The following TENM3 variants were observed in gnomAD, a reference collection of about 807,000 sequenced individuals.
TENM3 encodes the protein teneurin transmembrane protein 3, also known as teneurin-3.
Under a neutral mutation model 255.1 loss-of-function variants are expected in TENM3, and 63 were observed. That is an observed-to-expected ratio of 0.25 (90% CI 0.20 to 0.30). TENM3 has a LOEUF of 0.30. Among genes scored for constraint, TENM3 ranks in the 10% least tolerant of loss-of-function variants. The pLI is 1.00. For synonymous variants in TENM3, 1,306 were observed against 1,322.3 expected (o/e 0.99, Z 0.27); for missense variants, 2,929 against 3,461.1 (o/e 0.85, Z 3.86).
the TENM3 span, among the ~76,000 whole-genome samples, chr4:182,062,063 G>A: frequency 6.6e-6 from 1 of 152,054 alleles, no homozygotes; most frequent in Non-Finnish European, 1.5e-5. Context: ...ATGTTAGATT[G>A]AGCTTAAGTG....
chr4:182,214,024 G>C (rs957951350), intron 1 of TENM3, among the ~76,000 whole-genome samples: 3 of 152,208 alleles, frequency 2.0e-5, no homozygotes, highest in East Asian at 1.9e-4. Flanking sequence ...GGATGGTCTC[G>C]ATCTCTTGAC....
rs1554068639 is a variant in TENM3, at chr4:182,449,209, T to TGGCGGCGGC, written c.511+102293_511+102301dup. The TGGCGGCGGC allele has an allele frequency of 6.7e-3, 350 of 52,184 alleles. 7 individuals carry two copies. In the East Asian group the frequency reaches 0.11, roughly 17 times the overall value. The allele number at this position is 52,184 out of a possible 1,614,324, so 3.2% of individuals were successfully genotyped here. On this transcript the variant is annotated intron_variant, in intron 3 of 27. Coordinates refer to ENST00000511685, the MANE Select transcript of TENM3 (RefSeq NM_001080477.4). ...ACCGCGGCGGTGGCGGTGGCGGTGGTGGCGGCGGCGGCGGCGGCGGCTCCG... is the reference window on the plus strand; with the variant it reads ...ACCGCGGCGGTGGCGGTGGCGGTGGTGGCGGCGGCGGCGGCGGCGGCGGCGGCGGCTCCG...
intron 1 of TENM3, among the ~76,000 whole-genome samples, chr4:182,269,986 T>C (rs948573244): frequency 5.9e-5 from 9 of 152,122 alleles, no homozygotes; most frequent in African/African-American, 1.4e-4. Context: ...ATAAGGAGCA[T>C]TGGGGGCTTA....
chr4:181,790,584 G>GA, the TENM3 span, among the ~76,000 whole-genome samples: 10 of 151,780 alleles, frequency 6.6e-5, no homozygotes, highest in Admixed American at 2.0e-4. Flanking sequence ...CTTATGAGTG[G>GA]AAAAAAACAA....
intron 2 of TENM3, among the ~76,000 whole-genome samples, chr4:182,338,673 G>C (rs541999572): frequency 6.6e-6 from 1 of 152,162 alleles, no homozygotes; most frequent in East Asian, 1.9e-4. Flanking sequence ...AATAGTGTCA[G>C]TAACTCCTTT....
chr4:182,025,019 C>CTT, the TENM3 span, among the ~76,000 whole-genome samples: 13 of 92,202 alleles, frequency 1.4e-4, no homozygotes, highest in African/African-American at 4.7e-4. Flanking sequence ...GACAGGATTT[C>CTT]ATTTTTTTTT....
chr4:181,517,706 G>A, the TENM3 span, among the ~76,000 whole-genome samples: 1 of 152,084 alleles, frequency 6.6e-6, no homozygotes, highest in Non-Finnish European at 1.5e-5. Flanking sequence ...TGAACCACAG[G>A]GAAAAATCTG....
the TENM3 span, among the ~76,000 whole-genome samples, chr4:181,930,536 A>T: frequency 2.0e-5 from 3 of 152,146 alleles, no homozygotes; most frequent in Non-Finnish European, 4.4e-5. Flanking sequence ...TAGTCTACCA[A>T]CCACAAAAAG....
At chr4:182,085,950 A>G in the TENM3 span, among the ~76,000 whole-genome samples, 4 of 152,104 alleles carry the variant, frequency 2.6e-5, no homozygotes, top group African/African-American at 9.7e-5. Flanking sequence ...ATATTAGGAA[A>G]CTCTTCCTTT....
At chr4:182,753,703 A>G (rs1762527160) in intron 21 of TENM3, 99 bp downstream of exon 21, 1 of 1,157,188 alleles carries the variant, frequency 8.6e-7, no homozygotes, top group Non-Finnish European at 1.2e-6. Context: ...TGCATATATC[A>G]TGTGTTGCAG....
the TENM3 span, among the ~76,000 whole-genome samples, chr4:181,854,612 C>T: frequency 6.6e-6 from 1 of 152,138 alleles, no homozygotes; most frequent in South Asian, 2.1e-4. Flanking sequence ...ATCTCTGTAC[C>T]AGGAAACATA....
the TENM3 span, among the ~76,000 whole-genome samples, chr4:181,888,510 ATATATG>A: frequency 0.39 from 24,494 of 63,228 alleles, 4,475 homozygotes; most frequent in East Asian, 0.46. Context: ...ATATATATAT[ATATATG>A]TATATATATA....
the TENM3 span, among the ~76,000 whole-genome samples, chr4:181,883,259 G>T: frequency 5.3e-5 from 8 of 151,250 alleles, no homozygotes; most frequent in Admixed American, 2.6e-4. Context: ...CCAAAGCATT[G>T]TGCTAAGAAC....
the TENM3 span, among the ~76,000 whole-genome samples, chr4:181,675,474 A>G: frequency 2.6e-5 from 4 of 151,662 alleles, no homozygotes; most frequent in African/African-American, 7.2e-5. Context: ...TGGGAAATAA[A>G]CATTAATTAG....
the TENM3 span, among the ~76,000 whole-genome samples, chr4:181,728,467 G>A: frequency 3.3e-5 from 5 of 152,232 alleles, no homozygotes; most frequent in Non-Finnish European, 7.3e-5. Context: ...CTGGGAAAGG[G>A]ATGGAGATTC....
chr4:181,892,159 A>G, the TENM3 span, among the ~76,000 whole-genome samples: 2 of 152,174 alleles, frequency 1.3e-5, no homozygotes, highest in Admixed American at 6.5e-5. Context: ...TTGCAGCCCA[A>G]CACAGACTAA....
At chr4:182,083,801 G>A in the TENM3 span, among the ~76,000 whole-genome samples, 66,653 of 151,912 alleles carry the variant, frequency 0.44, 15,164 homozygotes, top group African/African-American at 0.57. Flanking sequence ...TATGGCTATT[G>A]ACTTAAGCTT....
At chr4:182,067,639 A>G in the TENM3 span, among the ~76,000 whole-genome samples, 2 of 152,192 alleles carry the variant, frequency 1.3e-5, no homozygotes, top group Non-Finnish European at 2.9e-5. Context: ...AAGTTACCTG[A>G]AGAAACCTAG....
chr4:182,486,313 T>TGGGG lies in TENM3; in HGVS notation c.512-114610_512-114609insGGGG, dbSNP rs1365628121. On this transcript the variant is annotated intron_variant, in intron 3 of 27. Coordinates refer to ENST00000511685, the MANE Select transcript of TENM3 (RefSeq NM_001080477.4). The stretch of plus-strand genomic sequence containing the variant: ...ATTCTTAAGAAGTATTTTAATTGTG[T>TGGGG]GTGGGGGGGAGGGTGGGTGGGTGGT... Among the ~76,000 whole-genome samples the TGGGG allele has an allele frequency of 0.022, 270 of 12,104 alleles. 3 individuals carry two copies. In the East Asian group the frequency reaches 0.38, roughly 17 times the overall value. The allele number at this position is 12,104 out of a possible 152,430, so 7.9% of individuals were successfully genotyped here.
Sources: allele counts gnomAD v4.1 joint callset (sites outside exome capture counted in the v4.1 genomes callset), GRCh38; gene constraint gnomAD v4.1.1; transcripts MANE v1.5; gene names NCBI Gene and HGNC (gene_info 2026-07-23, HGNC 2026-07-21).